Variants in ADGRL3 observed in about 807,000 individuals in gnomAD.
The protein encoded by ADGRL3 is calcium-independent alpha-latrotoxin receptor 3.
Under a neutral mutation model 153.5 loss-of-function variants are expected in ADGRL3, and 62 were observed. That is an observed-to-expected ratio of 0.40 (90% confidence interval 0.33 to 0.50). The LOEUF is 0.50. Among genes scored for constraint, ADGRL3 ranks in the 20% least tolerant of loss-of-function variants. ADGRL3 has a pLI of 0.47. For synonymous variants in ADGRL3, 710 were observed against 672.5 expected (o/e 1.06, Z -0.86); for missense variants, 1,641 against 1,859.4 (o/e 0.88, Z 2.16).
At chr4:61,706,703 T>A (rs34392036) in intron 6 of ADGRL3, among the ~76,000 whole-genome samples, 105,718 of 152,020 alleles carry the variant, frequency 0.7, 37,678 homozygotes, top group African/African-American at 0.86. Context: ...TTGGCTCTGG[T>A]TTAGACTTTG....
intron 9 of ADGRL3, among the ~76,000 whole-genome samples, chr4:61,867,934 G>T (rs993813244): frequency 6.6e-6 from 1 of 151,998 alleles, no homozygotes; most frequent in Non-Finnish European, 1.5e-5. Context: ...AAAGAGAAGG[G>T]CTTATAATGG....
In ADGRL3 at chr4:61,849,735, G is replaced by A. The variant is rs180977360; in HGVS notation, c.1480+35846G>A. Reference sequence around the variant, plus strand: ...ATTCTTTCTTACAAATATTATGCTCGTTTAATATCTAAATGCCAGCTGTGA... The same window carrying A: ...ATTCTTTCTTACAAATATTATGCTCATTTAATATCTAAATGCCAGCTGTGA... On this transcript the variant is annotated intron_variant, in intron 9 of 26. Transcript: ENST00000683033. 6.0e-3 allele frequency among the ~76,000 whole-genome samples: 918 copies of A among 152,070 alleles called. 14 individuals are homozygous for A. Among genetic ancestry groups the A allele is most frequent in the African/African-American group, 0.02 (845 of 41,486 alleles).
At chr4:61,361,607 G>T (rs2096283245) in intron 1 of ADGRL3, among the ~76,000 whole-genome samples, 1 of 152,136 alleles carries the variant, frequency 6.6e-6, no homozygotes, top group South Asian at 2.1e-4. Context: ...ATATTGTGAA[G>T]ATTAGATGAG....
chr4:61,979,633 G>T lies in ADGRL3; in HGVS notation c.2876G>T (p.Cys959Phe). 1 of 1,613,844 alleles carries T rather than the reference G, an allele frequency of 6.2e-7. No homozygotes were observed. The highest frequency in any genetic ancestry group is 8.5e-7 in the Non-Finnish European group (1 of 1,179,862). ...TWVGILLSLV[C>F]LLICIFTFCF... ...GTTGGAATTTTGCTGTCCCTTGTTT[G>T]TCTCCTGATTTGCATCTTCACATTT... The change falls in exon 18 of 27, where the codon TGT becomes TTT. Residue 959 changes from cysteine to phenylalanine, a missense_variant. By Grantham distance (205) the Cys-to-Phe change is radical. Around this residue, in one of 5 missense-constraint regions of ADGRL3, gnomAD observed 734 missense variants for 797.0 expected, o/e 0.92. Transcript: ENST00000683033.
chr4:61,766,893 G>C (rs2096989566), intron 8 of ADGRL3, among the ~76,000 whole-genome samples: 1 of 152,130 alleles, frequency 6.6e-6, no homozygotes, highest in African/African-American at 2.4e-5. Context: ...ATGAGGCGCA[G>C]ATCCTGAACA....
At chr4:61,613,559 C>T (rs565257320) in intron 5 of ADGRL3, among the ~76,000 whole-genome samples, 2 of 152,248 alleles carry the variant, frequency 1.3e-5, no homozygotes, top group Admixed American at 1.3e-4. Context: ...GCCTGGCCAA[C>T]ATGATGAAAC....
chr4:61,931,311 G>A (rs1254931120), intron 13 of ADGRL3, among the ~76,000 whole-genome samples: 3 of 152,152 alleles, frequency 2.0e-5, no homozygotes, highest in African/African-American at 7.2e-5. Flanking sequence ...AATTCAGTGT[G>A]GCTATTTAGC....
At chr4:61,448,704 GAAA>G (rs2097621284) in intron 2 of ADGRL3, among the ~76,000 whole-genome samples, 1 of 20,364 alleles carries the variant, frequency 4.9e-5, no homozygotes, top group Admixed American at 1.4e-3. Flanking sequence ...AGGAACGAAG[GAAA>G]GAAAGAAGGA....
At chr4:61,873,735 C>T (rs1222751641) in intron 9 of ADGRL3, among the ~76,000 whole-genome samples, 1 of 152,088 alleles carries the variant, frequency 6.6e-6, no homozygotes, top group African/African-American at 2.4e-5. Context: ...AGAAATTCCT[C>T]TAAATCATTG....
chr4:61,628,993 TG>T (rs1452094192), intron 5 of ADGRL3, among the ~76,000 whole-genome samples: 2 of 152,168 alleles, frequency 1.3e-5, no homozygotes, highest in Non-Finnish European at 2.9e-5. Context: ...TCCCAGTCTC[TG>T]GGACCTGAAA....
chr4:61,343,263 GCTAA>G (rs1330373756), intron 1 of ADGRL3, among the ~76,000 whole-genome samples: 1 of 152,098 alleles, frequency 6.6e-6, no homozygotes, highest in Non-Finnish European at 1.5e-5. Context: ...AAAAATCAGC[GCTAA>G]CTTTCTGCCA....
intron 4 of ADGRL3, among the ~76,000 whole-genome samples, chr4:61,526,517 C>A (rs566247891): frequency 5.9e-5 from 9 of 151,820 alleles, no homozygotes; most frequent in African/African-American, 2.2e-4. Flanking sequence ...ATGGTTCATG[C>A]CTATAATCTT....
intron 5 of ADGRL3, among the ~76,000 whole-genome samples, chr4:61,625,405 GATA>G (rs1267900450): frequency 1.3e-5 from 2 of 151,922 alleles, no homozygotes. Context: ...ACTTGCTTTA[GATA>G]ATAATGTTGT....
At chr4:61,936,807 C>CACAG (rs1247932166) in intron 15 of ADGRL3, among the ~76,000 whole-genome samples, 10 of 151,816 alleles carry the variant, frequency 6.6e-5, no homozygotes, top group Admixed American at 3.3e-4. Context: ...CACACACACA[C>CACAG]ACACACAGAG....
chr4:61,203,334 G>A (rs1380770620), intron 1 of ADGRL3, among the ~76,000 whole-genome samples: 1 of 152,206 alleles, frequency 6.6e-6, no homozygotes, highest in Non-Finnish European at 1.5e-5. Flanking sequence ...GCCTGCGGTA[G>A]TTAGAGCACA....
chr4:61,965,303 T>C (rs1418862155), intron 17 of ADGRL3, among the ~76,000 whole-genome samples: 1 of 152,144 alleles, frequency 6.6e-6, no homozygotes, highest in Non-Finnish European at 1.5e-5. Context: ...CTGGCCTTTT[T>C]CTGGCCTATT....
intron 5 of ADGRL3, among the ~76,000 whole-genome samples, chr4:61,661,788 A>G (rs971755546): frequency 6.6e-6 from 1 of 152,200 alleles, no homozygotes; most frequent in African/African-American, 2.4e-5. Flanking sequence ...AAGCAAACTA[A>G]TAAAATACAA....
intron 9 of ADGRL3, among the ~76,000 whole-genome samples, chr4:61,844,114 A>T (rs1002724395): frequency 2.6e-5 from 4 of 150,956 alleles, no homozygotes; most frequent in African/African-American, 9.7e-5. Flanking sequence ...TGGAAATCGT[A>T]TATTTTGTGT....
Position 62,070,965 on chromosome 4 carries a change from A to T in ADGRL3, c.*57A>T. On this transcript the variant is annotated 3_prime_UTR_variant, in exon 27 of 27. Coordinates refer to ENST00000683033, the MANE Select transcript of ADGRL3 (RefSeq NM_001387552.1). Reference sequence around the variant, plus strand: ...TGCTAACACCTTGTTGACTGTTCTGAGTTGATATAAGCAGTGGTAATAATG... The same window carrying T: ...TGCTAACACCTTGTTGACTGTTCTGTGTTGATATAAGCAGTGGTAATAATG... The T allele has an allele frequency of 7.3e-7, 1 of 1,364,056 alleles. No homozygotes were observed. The highest frequency in any genetic ancestry group is 1.0e-6 in the Non-Finnish European group (1 of 1,003,742). The allele number at this position is 1,364,056 out of a possible 1,614,324, so 84.5% of individuals were successfully genotyped here.
Sources: allele counts gnomAD v4.1 joint callset (sites outside exome capture counted in the v4.1 genomes callset), GRCh38; gene constraint gnomAD v4.1.1; regional missense constraint gnomAD v4.1.1; transcripts MANE v1.5; gene names NCBI Gene and HGNC (gene_info 2026-07-23, HGNC 2026-07-21).